ARID1B: variants seen among roughly 807,000 people sequenced by gnomAD.
ARID1B encodes the protein AT-rich interaction domain 1B, also known as AT-rich interactive domain-containing protein 1B.
Under a neutral mutation model 212.3 loss-of-function variants are expected in ARID1B, and 30 were observed. That is an observed-to-expected ratio of 0.14 (90% CI 0.11 to 0.19). The LOEUF is 0.19. Ranked by LOEUF, ARID1B falls within the 10% of genes least tolerant of loss-of-function variation. The pLI is 1.00. For missense variants in ARID1B, 2,891 were observed against 3,204.0 expected, an observed-to-expected ratio of 0.90 and a Z score of 2.36; for synonymous variants, 1,402 against 1,301.7, an observed-to-expected ratio of 1.08 and a Z score of -1.66.
rs548417343 is a variant in ARID1B at position 156,842,790 on chromosome 6, C to A, written c.1986+13369C>A. 1.1e-3 allele frequency among the ~76,000 whole-genome samples: 170 copies of A among 152,256 alleles called. 2 individuals carry two copies. The highest frequency in any genetic ancestry group is 9.3e-3 in the South Asian group (45 of 4,818). On this transcript the variant is annotated intron_variant, in intron 2 of 19. Transcript: ENST00000636930. ...TAAGTGCCAGGGAATCTTGCCAAAC[C>A]CTTTTCATATATCATTTCCTATAAT...
At chr6:156,937,608 T>C (rs546555496) in intron 4 of ARID1B, 5 of 152,338 alleles carry the variant, frequency 3.3e-5, no homozygotes, top group East Asian at 1.9e-4. Context: ...TACAGTGTTA[T>C]TAGGGATGGC....
intron 13 of ARID1B, chr6:157,186,228 G>C (rs1792964201): frequency 5.9e-6 from 2 of 338,514 alleles, no homozygotes; most frequent in South Asian, 2.4e-5. Flanking sequence ...TGGAGGGCCT[G>C]TTCTCTTAAC....
chr6:156,826,996 A>G (rs1227260124), intron 1 of ARID1B, among the ~76,000 whole-genome samples: 6 of 152,112 alleles, frequency 3.9e-5, no homozygotes, highest in African/African-American at 1.4e-4. Flanking sequence ...AATAAAGTTC[A>G]TGGGTTTTAT....
At chr6:156,905,879 T>A (rs1156328523) in intron 3 of ARID1B, among the ~76,000 whole-genome samples, 2 of 152,252 alleles carry the variant, frequency 1.3e-5, no homozygotes, top group Non-Finnish European at 1.5e-5. Flanking sequence ...TATAATGGGA[T>A]CTTCTGTGAA....
intron 4 of ARID1B, among the ~76,000 whole-genome samples, chr6:157,076,384 G>A (rs1784310872): frequency 6.6e-6 from 1 of 151,556 alleles, no homozygotes; most frequent in South Asian, 2.1e-4. Context: ...GCTATTCACA[G>A]GTACAATAGT....
chr6:156,987,400 C>T (rs1324468352), intron 4 of ARID1B, among the ~76,000 whole-genome samples: 3 of 151,094 alleles, frequency 2.0e-5, no homozygotes, highest in Non-Finnish European at 2.9e-5. Context: ...GCACGATGTC[C>T]GCTCACTGCA....
chr6:157,193,459 T>C lies in ARID1B; in HGVS notation c.4232-2706T>C, dbSNP rs560426648. The C allele has an allele frequency of 2.6e-5, 4 of 152,300 alleles. No homozygotes were observed. The South Asian group carries it at 8.3e-4, about 32-fold the overall frequency. 9.4% of individuals were successfully genotyped at this position (152,300 alleles called of 1,614,324 possible). On this transcript the variant is annotated intron_variant, in intron 15 of 19. Transcript: ENST00000636930. ...AAAAACAGTAACACTTAATTATATCTCTCAGTTCTGTGGTAGACTGGGTAG... is the reference window on the plus strand; with the variant it reads ...AAAAACAGTAACACTTAATTATATCCCTCAGTTCTGTGGTAGACTGGGTAG...
chr6:157,164,040 T>C (rs539706973), intron 8 of ARID1B, among the ~76,000 whole-genome samples: 2 of 152,332 alleles, frequency 1.3e-5, no homozygotes, highest in Non-Finnish European at 2.9e-5. Context: ...ATCTAAAACA[T>C]TAAATGTGTA....
chr6:157,178,720 A>C (rs1420114564), intron 11 of ARID1B, among the ~76,000 whole-genome samples: 1 of 144,978 alleles, frequency 6.9e-6, no homozygotes, highest in South Asian at 2.1e-4. Flanking sequence ...AAGTTAATTA[A>C]ACTTAAGTTT....
chr6:157,094,434 A>G lies in ARID1B; in HGVS notation c.2491+9529A>G, dbSNP rs1343565925. Reference sequence around the variant, plus strand: ...CAGTGGCACGATCTCCACTCACTACAACCTCTACCTCCCAGGTTCAAGCAA... The same window carrying G: ...CAGTGGCACGATCTCCACTCACTACGACCTCTACCTCCCAGGTTCAAGCAA... On this transcript the variant is annotated intron_variant, in intron 5 of 19. Coordinates refer to ENST00000636930, the MANE Select transcript of ARID1B (RefSeq NM_001374828.1). This position sits in a 1 kb window ranked among gnomAD's most constrained non-coding sequence, Gnocchi z 4.3. 2.6e-5 allele frequency among the ~76,000 whole-genome samples: 4 copies of G among 152,126 alleles called. No individual in the cohort carries two copies. In the South Asian group the frequency reaches 8.3e-4, roughly 32 times the overall value.
At position 156,930,596 on chromosome 6, in the gene ARID1B, G is replaced by C. The variant is rs77823781; in HGVS notation, c.2137-4870G>C. ...TTTCATGTGAAGATATATGCGTAAG[G>C]ATGCTTACTATAGTGCTGTATGAAG... is the stretch of plus-strand genomic sequence containing the variant. On this transcript the variant is annotated intron_variant, in intron 3 of 19. Coordinates refer to ENST00000636930, the MANE Select transcript of ARID1B (RefSeq NM_001374828.1). Among the ~76,000 whole-genome samples, 117 of 152,292 alleles carry C rather than the reference G, an allele frequency of 7.7e-4. 1 individual carries two copies. The East Asian group carries it at 0.019, about 25-fold the overall frequency.
chr6:156,915,367 GA>G (rs1373787170), intron 3 of ARID1B, among the ~76,000 whole-genome samples: 3 of 152,096 alleles, frequency 2.0e-5, no homozygotes, highest in African/African-American at 7.2e-5. Flanking sequence ...AGAAGTTCGA[GA>G]CCAGCCTGGC....
At chr6:157,096,546 G>A (rs534733015) in intron 5 of ARID1B, among the ~76,000 whole-genome samples, 5 of 152,254 alleles carry the variant, frequency 3.3e-5, no homozygotes, top group Non-Finnish European at 7.3e-5. Flanking sequence ...GAGAGTACTT[G>A]AGGTCGTGCT....
chr6:157,097,488 C>T (rs1053776379), intron 5 of ARID1B, among the ~76,000 whole-genome samples: 6 of 151,128 alleles, frequency 4.0e-5, no homozygotes, highest in African/African-American at 1.4e-4. Flanking sequence ...CAAGCGCTCA[C>T]GTGCTATATT....
intron 8 of ARID1B, among the ~76,000 whole-genome samples, chr6:157,157,098 C>T (rs1790626426): frequency 6.6e-6 from 1 of 152,206 alleles, no homozygotes; most frequent in Non-Finnish European, 1.5e-5. Context: ...CTAGCCTGCC[C>T]TCTTCATTCG....
intron 8 of ARID1B, among the ~76,000 whole-genome samples, chr6:157,160,967 G>A (rs780762744): frequency 1.5e-4 from 23 of 152,136 alleles, no homozygotes; most frequent in Non-Finnish European, 2.6e-4. Flanking sequence ...CTTCGCACTC[G>A]CTGCCCTGGT....
At position 156,908,993 on chromosome 6, in the gene ARID1B, T is replaced by C. The variant is rs7758256; in HGVS notation, c.2136+7468T>C. 2.5e-3 allele frequency among the ~76,000 whole-genome samples: 387 copies of C among 151,978 alleles called. 1 individual carries two copies. Among genetic ancestry groups the C allele is most frequent in the African/African-American group, 8.9e-3 (368 of 41,248 alleles). On this transcript the variant is annotated intron_variant, in intron 3 of 19. Coordinates refer to ENST00000636930, the MANE Select transcript of ARID1B (RefSeq NM_001374828.1). Reference sequence around the variant, plus strand: ...CAATATTTTCCCATGTCTGCTGCCCTGTCTCATCTTTTCCTCCTCTTCCGA... The same window carrying C: ...CAATATTTTCCCATGTCTGCTGCCCCGTCTCATCTTTTCCTCCTCTTCCGA...
At position 157,201,807 on chromosome 6, in the gene ARID1B, G is replaced by A. The variant is rs947648579; in HGVS notation, c.5263+319G>A. On this transcript the variant is annotated intron_variant, in intron 18 of 19. Coordinates refer to ENST00000636930, the MANE Select transcript of ARID1B (RefSeq NM_001374828.1). The surrounding 1 kb of genome is among the most constrained non-coding windows in gnomAD (Gnocchi z 5.2). ...CGGTGAAATAAAATGGTAGTTTTACGTGTGAATGTTATTTGTGTGAAAGAT... is the reference window on the plus strand; with the variant it reads ...CGGTGAAATAAAATGGTAGTTTTACATGTGAATGTTATTTGTGTGAAAGAT... Among the ~76,000 whole-genome samples, 8 of 152,184 alleles carry A rather than the reference G, an allele frequency of 5.3e-5. No individual in the cohort carries two copies. Among genetic ancestry groups the A allele is most frequent in the African/African-American group, 1.9e-4 (8 of 41,442 alleles).
intron 3 of ARID1B, among the ~76,000 whole-genome samples, chr6:156,910,102 C>T (rs1351419253): frequency 9.9e-5 from 15 of 152,130 alleles, no homozygotes; most frequent in Non-Finnish European, 2.2e-4. Context: ...CGATGCTGTG[C>T]GTTTATTGTA....
Sources: gnomAD v4.1 joint callset for allele counts (sites outside exome capture counted in the v4.1 genomes callset) on GRCh38, gnomAD v4.1.1 for gene constraint, Gnocchi (gnomAD v3.1) non-coding constraint, MANE v1.5 for transcripts, NCBI Gene and HGNC (gene_info 2026-07-23, HGNC 2026-07-21) for gene names.